The following FGD6 variants were observed in gnomAD, a reference collection of about 807,000 sequenced individuals.
FGD6 encodes the protein FYVE, RhoGEF and PH domain-containing protein 6.
In FGD6, 90 loss-of-function variants were observed where a neutral mutation model predicts 149.4. The observed-to-expected ratio is 0.60, with a 90% CI of 0.51 to 0.72. The LOEUF is 0.72. FGD6 is among the 30% of genes least tolerant of loss of function. The pLI, the probability that FGD6 is intolerant of heterozygous loss-of-function variation, is 0.00. For missense variants in FGD6, 1,437 were observed against 1,684.8 expected (o/e 0.85, Z 2.57); for synonymous variants, 527 against 584.0 (o/e 0.90, Z 1.41).
Position 95,210,681 on chromosome 12 carries a change from C to A in FGD6, c.603G>T (p.Arg201Ser). The stretch of plus-strand genomic sequence containing the variant: ...CATTCATTTCTGGGCTGTCTGTGGG[C>A]CTGTGCTTCTGTGCAGAAATAAAAG... ...MPPFISAQKHRPTDSPEMNGG... is the reference protein window; with the variant it reads ...MPPFISAQKHSPTDSPEMNGG... The change falls in exon 2 of 21, where the codon AGG becomes AGT. Residue 201 changes from arginine (R) to serine (S), a missense_variant. Around this residue, in one of 2 missense-constraint regions of FGD6, gnomAD observed 1,055 missense variants for 1,146.0 expected, o/e 0.92. Coordinates refer to ENST00000343958, the MANE Select transcript of FGD6 (RefSeq NM_018351.4). 4 of 1,613,964 alleles carry A rather than the reference C, an allele frequency of 2.5e-6. No individual in the cohort carries two copies. The highest frequency in any genetic ancestry group is 3.4e-6 in the Non-Finnish European group (4 of 1,179,986).
intron 7 of FGD6, among the ~76,000 whole-genome samples, chr12:95,135,330 C>T (rs1879636762): frequency 6.6e-6 from 1 of 152,114 alleles, no homozygotes; most frequent in African/African-American, 2.4e-5. Flanking sequence ...GTAAAGATAA[C>T]CTGAAAAGCG....
chr12:95,173,322 C>A (rs1025809663), intron 2 of FGD6, among the ~76,000 whole-genome samples: 1 of 152,172 alleles, frequency 6.6e-6, no homozygotes, highest in Non-Finnish European at 1.5e-5. Context: ...TGCTCAAGAC[C>A]TGCTGCATTA....
At chr12:95,094,856 T>C (rs1878187465) in intron 14 of FGD6, among the ~76,000 whole-genome samples, 162 bp from the exon 15 acceptor site, 1 of 152,176 alleles carries the variant, frequency 6.6e-6, no homozygotes, top group Non-Finnish European at 1.5e-5. Context: ...GAACAGATCA[T>C]CAGAACAGAC....
chr12:95,113,451 G>T (rs960562452), intron 9 of FGD6, among the ~76,000 whole-genome samples, 200 bp downstream of exon 9: 1 of 151,874 alleles, frequency 6.6e-6, no homozygotes, highest in Admixed American at 6.6e-5. Context: ...GGCCAGGCTG[G>T]TCTCAAACTC....
intron 5 of FGD6, 127 bp from the exon 6 acceptor site, chr12:95,141,666 A>C (rs1030254927): frequency 4.7e-6 from 5 of 1,071,802 alleles, no homozygotes; most frequent in Non-Finnish European, 6.6e-6. Context: ...GCAGAATTAC[A>C]AATCTAAAGT....
intron 3 of FGD6, among the ~76,000 whole-genome samples, chr12:95,162,013 T>A (rs1349965446): frequency 1.4e-5 from 2 of 146,702 alleles, no homozygotes; most frequent in African/African-American, 5.1e-5. Flanking sequence ...TTCACATTTG[T>A]AATCTCAACA....
rs893053331 is a variant in FGD6, at chr12:95,186,462, T to C, written c.2442-13718A>G. 2.0e-5 allele frequency among the ~76,000 whole-genome samples: 3 copies of C among 149,006 alleles called. No individual in the cohort carries two copies. The Admixed American group carries it at 2.0e-4, about 10-fold the overall frequency. On this transcript the variant is annotated intron_variant, in intron 2 of 20. Coordinates refer to ENST00000343958, the MANE Select transcript of FGD6 (RefSeq NM_018351.4). ...ATCCTCCTGCCTCAGCCTCCCAAAGTGCTGGGATTATAGGCATGAGCCACT... is the reference window on the plus strand; with the variant it reads ...ATCCTCCTGCCTCAGCCTCCCAAAGCGCTGGGATTATAGGCATGAGCCACT...
Position 95,209,475 on chromosome 12 carries a change from T to C in FGD6, c.1809A>G (p.Ala603=), listed in dbSNP as rs1490933328. The change falls in exon 2 of 21, where the codon GCA becomes GCG. Residue 603 remains alanine, a synonymous_variant. Coordinates refer to ENST00000343958, the MANE Select transcript of FGD6 (RefSeq NM_018351.4). ...EPSTALTKPR[A]KSLSAMDVEK... ...CCACATCCATAGCAGATAACGATTT[T>C]GCTCTGGGCTTGGTTAGGGCTGTTG... is the stretch of plus-strand genomic sequence containing the variant. 6.8e-6 allele frequency: 11 copies of C among 1,612,064 alleles called. No homozygotes were observed. The highest frequency in any genetic ancestry group is 1.3e-5 in the African/African-American group (1 of 74,792).
At chr12:95,192,165 C>T (rs1426488938) in intron 2 of FGD6, among the ~76,000 whole-genome samples, 3 of 152,186 alleles carry the variant, frequency 2.0e-5, no homozygotes, top group East Asian at 3.8e-4. Flanking sequence ...AATACAGATG[C>T]AACCATCCAT....
Position 95,083,030 on chromosome 12 carries a change from T to TATATATACAC in FGD6, c.4256+1467_4256+1468insGTGTATATAT, listed in dbSNP as rs772685891. ...AAAAAAAAATATATATATATATATATACACACACATACACACACACACACA... is the reference window on the plus strand; with the variant it reads ...AAAAAAAAATATATATATATATATATATATATACACACACACACATACACACACACACACA... On this transcript the variant is annotated intron_variant, in intron 20 of 20. Transcript: ENST00000343958. Among the ~76,000 whole-genome samples the TATATATACAC allele has an allele frequency of 1.5e-3, 86 of 56,556 alleles. 3 individuals are homozygous for TATATATACAC. Among genetic ancestry groups the TATATATACAC allele is most frequent in the East Asian group, 6.9e-3 (17 of 2,456 alleles). 37.1% of individuals were successfully genotyped at this position (56,556 alleles called of 152,430 possible).
intron 18 of FGD6, among the ~76,000 whole-genome samples, chr12:95,086,412 C>T (rs1877863425): frequency 6.6e-6 from 1 of 151,702 alleles, no homozygotes. Context: ...TTTTAAGAAT[C>T]AATCTTTGCT....
rs1877566238 is a variant in FGD6, at chr12:95,078,482, A to G, written c.*3038T>C. 1 of 152,226 alleles carries G rather than the reference A, an allele frequency of 6.6e-6. No individual in the cohort carries two copies. The highest frequency in any genetic ancestry group is 1.5e-5 in the Non-Finnish European group (1 of 68,048). 9.4% of individuals were successfully genotyped at this position (152,226 alleles called of 1,614,324 possible). On this transcript the variant is annotated 3_prime_UTR_variant, in exon 21 of 21. Coordinates refer to ENST00000343958, the MANE Select transcript of FGD6 (RefSeq NM_018351.4). ...ATATAAAATACACATTTGGCTGACAATTATACTTTAAAACTGTCGCCTTCT... is the reference window on the plus strand; with the variant it reads ...ATATAAAATACACATTTGGCTGACAGTTATACTTTAAAACTGTCGCCTTCT...
chr12:95,086,724 T>G (rs1210481817), intron 18 of FGD6, among the ~76,000 whole-genome samples: 1 of 149,462 alleles, frequency 6.7e-6, no homozygotes, highest in Non-Finnish European at 1.5e-5. Context: ...TTTTGTATAT[T>G]TTTAGTAGAG....
intron 3 of FGD6, among the ~76,000 whole-genome samples, chr12:95,156,366 C>G (rs928493639): frequency 1.3e-5 from 2 of 151,128 alleles, no homozygotes; most frequent in Non-Finnish European, 3.0e-5. Flanking sequence ...GCTTCGGGGC[C>G]GGCAGTCTTT....
At chr12:95,095,071 A>C (rs557037444) in intron 14 of FGD6, among the ~76,000 whole-genome samples, 20 of 152,342 alleles carry the variant, frequency 1.3e-4, no homozygotes, top group African/African-American at 4.8e-4. Flanking sequence ...ATTTAAAAAC[A>C]TTCCAATAAG....
intron 14 of FGD6, among the ~76,000 whole-genome samples, chr12:95,104,125 G>T (rs1033794667): frequency 6.6e-6 from 1 of 152,124 alleles, no homozygotes; most frequent in Non-Finnish European, 1.5e-5. Context: ...TTTAATCTCT[G>T]TGCTTCTAGC....
Position 95,209,974 on chromosome 12 carries a change from G to A in FGD6, c.1310C>T (p.Ser437Leu), listed in dbSNP as rs781518975. The A allele has an allele frequency of 3.1e-6, 5 of 1,612,254 alleles. No homozygotes were observed. The highest frequency in any genetic ancestry group is 4.2e-6 in the Non-Finnish European group (5 of 1,179,404). Residue 437 changes from serine (S) to leucine (L), a missense_variant, in exon 2 of 21, where the codon TCG becomes TTG. Transcript: ENST00000343958. ...ACCGGTCCCTTCGTCCACAGCAAGC[G>A]ACATACTAGAACCATCTACAGTTGT... ...DSTTVDGSSMSLAVDEGTGFI... is the reference protein window; with the variant it reads ...DSTTVDGSSMLLAVDEGTGFI...
At chr12:95,169,181 TTAGA>T (rs1379813468) in intron 3 of FGD6, among the ~76,000 whole-genome samples, 3 of 152,094 alleles carry the variant, frequency 2.0e-5, no homozygotes, top group Admixed American at 1.3e-4. Flanking sequence ...AAAAACACAG[TTAGA>T]TAGAATGAAC....
chr12:95,123,771 T>C (rs948481453), intron 8 of FGD6, among the ~76,000 whole-genome samples: 1 of 152,020 alleles, frequency 6.6e-6, no homozygotes, highest in Non-Finnish European at 1.5e-5. Flanking sequence ...ACCGTGTTAT[T>C]CAGGACGGTC....
Sources: gnomAD v4.1 joint callset for allele counts (sites outside exome capture counted in the v4.1 genomes callset) on GRCh38, gnomAD v4.1.1 for gene constraint, gnomAD v4.1.1 regional missense constraint, MANE v1.5 for transcripts, NCBI Gene and HGNC (gene_info 2026-07-23, HGNC 2026-07-21) for gene names.